Variants in PTGER4 observed in about 807,000 individuals in gnomAD.
PTGER4 encodes prostaglandin E2 receptor EP4 subtype.
PTGER4 carries 11 observed loss-of-function variants against 33.2 expected under a neutral mutation model. The ratio of observed to expected loss-of-function variants is 0.33; its 90% CI spans 0.21 to 0.55. The LOEUF (loss-of-function observed/expected upper bound fraction) is 0.55. Among genes scored for constraint, PTGER4 ranks in the 20% least tolerant of loss-of-function variants. The pLI is 0.92. For synonymous variants in PTGER4, 275 were observed against 281.5 expected (o/e 0.98, Z 0.23); for missense variants, 481 against 650.2 (o/e 0.74, Z 2.83).
the PTGER4 span, among the ~76,000 whole-genome samples, chr5:40,708,962 G>C: frequency 6.6e-6 from 1 of 152,138 alleles, no homozygotes; most frequent in Non-Finnish European, 1.5e-5. Flanking sequence ...TGCAGAAAAG[G>C]CCTTAGACAA....
chr5:40,681,334 G>C lies in PTGER4; in HGVS notation c.341G>C (p.Ser114Thr). 1.9e-6 allele frequency: 3 copies of C among 1,614,162 alleles called. No homozygotes were observed. Among genetic ancestry groups the C allele is most frequent in the Non-Finnish European group, 2.5e-6 (3 of 1,180,038 alleles). The change falls in exon 2 of 3, where the codon AGT becomes ACT. Residue 114 changes from serine (S) to threonine (T), a missense_variant. Physicochemically the swap from Ser to Thr is moderately conservative, Grantham distance 58. This residue lies in a region of PTGER4 where 61 missense variants were observed against 145.2 expected (regional missense o/e 0.42). Transcript: ENST00000302472. This position sits in a 1 kb window ranked among gnomAD's most constrained non-coding sequence, Gnocchi z 9.8. ...LSGLSIICAM[S>T]VERYLAINHA... The stretch of plus-strand genomic sequence containing the variant: ...GGCCTCAGCATCATCTGCGCCATGA[G>C]TGTCGAGCGCTACCTGGCCATCAAC...
At chr5:40,726,174 C>T in the PTGER4 span, among the ~76,000 whole-genome samples, 1 of 141,158 alleles carries the variant, frequency 7.1e-6, no homozygotes, top group Non-Finnish European at 1.5e-5. Flanking sequence ...CACACACACA[C>T]GTATATATAT....
chr5:40,731,857 A>G, the PTGER4 span, among the ~76,000 whole-genome samples: 1 of 152,214 alleles, frequency 6.6e-6, no homozygotes, highest in African/African-American at 2.4e-5. Flanking sequence ...GCTCTAGCCC[A>G]CTAACTATGA....
rs916753982 is a variant in PTGER4 at position 40,683,217 on chromosome 5, G to A, written c.867+1357G>A. 3.3e-5 allele frequency among the ~76,000 whole-genome samples: 5 copies of A among 152,106 alleles called. No individual in the cohort carries two copies. Among genetic ancestry groups the A allele is most frequent in the Admixed American group, 6.5e-5 (1 of 15,268 alleles). ...CCTTTTCCTTATTGATACTGTCCAG[G>A]GATCTTTGGTGTAAAAATATATCTT... On this transcript the variant is annotated intron_variant, in intron 2 of 2. Transcript: ENST00000302472. The surrounding 1 kb of genome is among the most constrained non-coding windows in gnomAD (Gnocchi z 4.2).
the PTGER4 span, among the ~76,000 whole-genome samples, chr5:40,741,402 T>A: frequency 3.3e-5 from 5 of 152,218 alleles, no homozygotes; most frequent in Non-Finnish European, 4.4e-5. Context: ...CCGCTCTGTA[T>A]GAACGCTACG....
chr5:40,737,398 C>T, the PTGER4 span, among the ~76,000 whole-genome samples: 18 of 151,840 alleles, frequency 1.2e-4, no homozygotes, highest in African/African-American at 4.4e-4. Context: ...AACCAAGACC[C>T]GAAAATACAT....
chr5:40,736,820 A>G, the PTGER4 span, among the ~76,000 whole-genome samples: 1 of 152,348 alleles, frequency 6.6e-6, no homozygotes, highest in East Asian at 1.9e-4. Flanking sequence ...TTATGCAGAT[A>G]GAAATGATAA....
At chr5:40,695,625 T>A (rs1304301574), downstream of PTGER4, among the ~76,000 whole-genome samples, 1 of 151,692 alleles carries the variant, frequency 6.6e-6, no homozygotes, top group Non-Finnish European at 1.5e-5. Flanking sequence ...GGCAGGAGAA[T>A]CACTTGAACC....
rs1186180137 is a variant in PTGER4, at chr5:40,693,616, C to T, written c.*1238C>T. On this transcript the variant is annotated 3_prime_UTR_variant, in exon 3 of 3. Coordinates refer to ENST00000302472, the MANE Select transcript of PTGER4 (RefSeq NM_000958.3). ...GAAATATTAAGCATGTTTTGTTGCT[C>T]AGTGTTTTTGTGAATTGCTTGGTTG... The T allele has an allele frequency of 4.0e-5, 39 of 985,690 alleles. No homozygotes were observed. Among genetic ancestry groups the T allele is most frequent in the Non-Finnish European group, 4.2e-5 (35 of 829,872 alleles). 61.1% of individuals were successfully genotyped at this position (985,690 alleles called of 1,614,324 possible).
chr5:40,693,827 A>G (rs1187670296), downstream of PTGER4: 1 of 646,072 alleles, frequency 1.5e-6, no homozygotes, highest in Non-Finnish European at 1.9e-6. Flanking sequence ...ATTTTTTTAA[A>G]ATTTATTGTG....
the PTGER4 span, among the ~76,000 whole-genome samples, chr5:40,703,041 A>G: frequency 6.6e-6 from 1 of 152,308 alleles, no homozygotes; most frequent in South Asian, 2.1e-4. Flanking sequence ...CATAGCACTA[A>G]ATGTCCAAAT....
chr5:40,684,878 A>G (rs1741288416), intron 2 of PTGER4, among the ~76,000 whole-genome samples: 1 of 152,150 alleles, frequency 6.6e-6, no homozygotes, highest in South Asian at 2.1e-4. Flanking sequence ...ATTTTGTGAG[A>G]ACAAGAAGTG....
the PTGER4 span, among the ~76,000 whole-genome samples, chr5:40,735,907 AC>A: frequency 6.6e-6 from 1 of 152,206 alleles, no homozygotes; most frequent in Admixed American, 6.5e-5. Flanking sequence ...CAGAAATATG[AC>A]TGGATGGTTC....
Position 40,691,918 on chromosome 5 carries a change from T to C in PTGER4, c.1007T>C (p.Val336Ala), listed in dbSNP as rs1472820337. ...ATATATATCCTCCTGAGAAAGACAG[T>C]GCTCAGTAAAGCAATAGAGAAGATC... ...PWIYILLRKT[V>A]LSKAIEKIKC... Residue 336 changes from valine to alanine, a missense_variant, in exon 3 of 3, where the codon GTG becomes GCG. By Grantham distance (64) the Val-to-Ala change is moderately conservative. Coordinates refer to ENST00000302472, the MANE Select transcript of PTGER4 (RefSeq NM_000958.3). This position sits in a 1 kb window ranked among gnomAD's most constrained non-coding sequence, Gnocchi z 4.2. The C allele has an allele frequency of 6.2e-7, 1 of 1,614,132 alleles. No homozygotes were observed. Among genetic ancestry groups the C allele is most frequent in the African/African-American group, 1.3e-5 (1 of 74,944 alleles).
At chr5:40,698,737 C>T in the PTGER4 span, among the ~76,000 whole-genome samples, 1 of 152,132 alleles carries the variant, frequency 6.6e-6, no homozygotes, top group African/African-American at 2.4e-5. Context: ...TCTAGGGAGA[C>T]AACTAATTAT....
In PTGER4 at chr5:40,691,768, C is replaced by T. The variant is rs1410074950; in HGVS notation, c.868-11C>T. 2 of 1,608,108 alleles carry T rather than the reference C, an allele frequency of 1.2e-6. No homozygotes were observed. Among genetic ancestry groups the T allele is most frequent in the African/African-American group, 1.3e-5 (1 of 74,724 alleles). On this transcript the variant is annotated splice_polypyrimidine_tract_variant and intron_variant, in intron 2 of 2. Transcript: ENST00000302472. The surrounding 1 kb of genome is among the most constrained non-coding windows in gnomAD (Gnocchi z 4.2). ...ATGATGAAATCTAAATGTGCGATCT[C>T]ACTTATGCAGGTGCGAGTATTCGTC...
At chr5:40,707,126 G>A in the PTGER4 span, among the ~76,000 whole-genome samples, 18 of 152,084 alleles carry the variant, frequency 1.2e-4, no homozygotes, top group Non-Finnish European at 2.4e-4. Context: ...ATCAACTAAC[G>A]AGCAAAATAA....
the PTGER4 span, among the ~76,000 whole-genome samples, chr5:40,726,101 C>G: frequency 1.3e-5 from 2 of 151,214 alleles, no homozygotes; most frequent in Non-Finnish European, 2.9e-5. Flanking sequence ...TTCTTATTCT[C>G]TCATCCTTCC....
the PTGER4 span, chr5:40,714,564 C>G: frequency 6.6e-6 from 1 of 152,210 alleles, no homozygotes; most frequent in Non-Finnish European, 1.5e-5. Context: ...ACTCACTTCT[C>G]TAGATACCTA....
Sources: gnomAD v4.1 joint callset for allele counts (sites outside exome capture counted in the v4.1 genomes callset) on GRCh38, gnomAD v4.1.1 for gene constraint, gnomAD v4.1.1 regional missense constraint, Gnocchi (gnomAD v3.1) non-coding constraint, MANE v1.5 for transcripts, NCBI Gene and HGNC (gene_info 2026-07-23, HGNC 2026-07-21) for gene names.